Variants in PDE10A observed in about 807,000 individuals in gnomAD.
The protein encoded by PDE10A is phosphodiesterase 10A, also known as cAMP and cAMP-inhibited cGMP 3',5'-cyclic phosphodiesterase 10A.
Under a neutral mutation model 97.7 loss-of-function variants are expected in PDE10A, and 39 were observed. The observed-to-expected ratio is 0.40, with a 90% CI of 0.31 to 0.52. The LOEUF is 0.52. PDE10A is among the 20% of genes least tolerant of loss of function. The pLI is 0.56. For missense variants in PDE10A, 731 were observed against 1,047.8 expected (o/e 0.70, Z 4.17); for synonymous variants, 371 against 376.8 (o/e 0.98, Z 0.18).
Position 165,900,942 on chromosome 6 carries a change from C to T in PDE10A, c.-615+86587G>A, listed in dbSNP as rs1303985269. Among the ~76,000 whole-genome samples, 3 of 152,174 alleles carry T rather than the reference C, an allele frequency of 2.0e-5. No individual in the cohort carries two copies. In the East Asian group the frequency reaches 5.8e-4, roughly 29 times the overall value. ...GAGCAAGTTTGTGTTTAAAACCAGA[C>T]CTGGGCACTCTCTTAATGAGCGAAA... On this transcript the variant is annotated intron_variant, in intron 1 of 19. Coordinates refer to the PDE10A transcript ENST00000366882.
chr6:165,335,221 C>A (rs1183877392), intron 21 of PDE10A, among the ~76,000 whole-genome samples: 2 of 152,058 alleles, frequency 1.3e-5, no homozygotes, highest in African/African-American at 4.8e-5. Flanking sequence ...GAAGAGATAA[C>A]GATGCTTAAA....
At chr6:165,341,527 C>A (rs550400164) in intron 19 of PDE10A, among the ~76,000 whole-genome samples, 1 of 152,270 alleles carries the variant, frequency 6.6e-6, no homozygotes, top group African/African-American at 2.4e-5. Context: ...ACAAACAGTG[C>A]AAGGTTTTTG....
chr6:165,737,996 T>C (rs1219911775), intron 1 of PDE10A, among the ~76,000 whole-genome samples: 2 of 87,786 alleles, frequency 2.3e-5, no homozygotes, highest in South Asian at 8.1e-4. Context: ...GTCCCACTTC[T>C]TTTTTTTATT....
rs1400992216 is a variant in PDE10A, at chr6:165,413,654, C to A, written c.1923G>T (p.Arg641=). The change falls in exon 13 of 22, where the codon CGG becomes CGT. Residue 641 remains arginine (R), a synonymous_variant. Coordinates refer to ENST00000539869, the MANE Select transcript of PDE10A (RefSeq NM_001385079.1). The part of the protein sequence containing the change: ...EVDLYTGYTT[R]NILCMPIVSR... ...TGACGATGGGCATGCACAGGATGTTCCGCGTGGTGTAGCCTGTGTACAAGT... is the reference window on the plus strand; with the variant it reads ...TGACGATGGGCATGCACAGGATGTTACGCGTGGTGTAGCCTGTGTACAAGT... 1.2e-6 allele frequency: 2 copies of A among 1,614,076 alleles called. No homozygotes were observed. Among genetic ancestry groups the A allele is most frequent in the Non-Finnish European group, 1.7e-6 (2 of 1,179,984 alleles).
At chr6:165,669,663 GCTTA>G (rs950151380) in intron 1 of PDE10A, among the ~76,000 whole-genome samples, 32 of 152,254 alleles carry the variant, frequency 2.1e-4, no homozygotes, top group African/African-American at 7.2e-4. Flanking sequence ...TGGCATGAAA[GCTTA>G]CTTTTCTCCT....
chr6:165,857,024 A>G (rs1313731106), intron 1 of PDE10A, among the ~76,000 whole-genome samples: 1 of 152,244 alleles, frequency 6.6e-6, no homozygotes, highest in Non-Finnish European at 1.5e-5. Flanking sequence ...AAATTTATCA[A>G]ATTCATCACC....
chr6:165,492,019 C>A (rs867857904), intron 2 of PDE10A, among the ~76,000 whole-genome samples: 2 of 146,736 alleles, frequency 1.4e-5, no homozygotes, highest in Non-Finnish European at 3.0e-5. Context: ...AAGAAACAAA[C>A]GGGAGCTATT....
At chr6:165,430,477 A>G in intron 8 of PDE10A, 132 bp from the exon 9 acceptor site, 1 of 575,628 alleles carries the variant, frequency 1.7e-6, no homozygotes, top group Non-Finnish European at 3.1e-6. Flanking sequence ...TGTAATAATA[A>G]TATCAATAAC....
chr6:165,647,827 A>G (rs1157285836), intron 1 of PDE10A, among the ~76,000 whole-genome samples: 1 of 152,186 alleles, frequency 6.6e-6, no homozygotes, highest in East Asian at 1.9e-4. Context: ...TACGTGTCTC[A>G]GCACTTGCTC....
At chr6:165,678,776 T>A (rs1245729407) in intron 1 of PDE10A, among the ~76,000 whole-genome samples, 1 of 152,166 alleles carries the variant, frequency 6.6e-6, no homozygotes, top group Non-Finnish European at 1.5e-5. Flanking sequence ...AAGAAAAAAA[T>A]ATCTTTTTGA....
At chr6:165,718,302 G>A (rs900740627) in intron 1 of PDE10A, 3 of 152,178 alleles carry the variant, frequency 2.0e-5, no homozygotes, top group African/African-American at 7.2e-5. Context: ...TCTCTGTGTA[G>A]TTCCAATTTT....
At chr6:165,376,523 A>C (rs1416329836) in intron 18 of PDE10A, among the ~76,000 whole-genome samples, 1 of 152,250 alleles carries the variant, frequency 6.6e-6, no homozygotes, top group African/African-American at 2.4e-5. Context: ...ACTGCAGGTG[A>C]AATGCTATCA....
chr6:165,784,329 C>T (rs1431394941), intron 1 of PDE10A, among the ~76,000 whole-genome samples: 1 of 152,206 alleles, frequency 6.6e-6, no homozygotes, highest in Non-Finnish European at 1.5e-5. Flanking sequence ...ACCATCGCCT[C>T]CCATGAGCAC....
intron 1 of PDE10A, among the ~76,000 whole-genome samples, chr6:165,565,675 A>G (rs1784743345): frequency 6.6e-6 from 1 of 152,222 alleles, no homozygotes; most frequent in African/African-American, 2.4e-5. Flanking sequence ...CCCAACTTCA[A>G]GACATACAAT....
intron 6 of PDE10A, among the ~76,000 whole-genome samples, chr6:165,434,444 C>T (rs113757880): frequency 1.1e-4 from 17 of 152,240 alleles, no homozygotes; most frequent in African/African-American, 4.1e-4. Context: ...GTCTATATTC[C>T]ATGTCATAAA....
chr6:165,438,139 G>T (rs769558099), intron 5 of PDE10A, among the ~76,000 whole-genome samples: 1 of 152,066 alleles, frequency 6.6e-6, no homozygotes, highest in African/African-American at 2.4e-5. Context: ...TCATTGAACT[G>T]CCACCTTCAT....
intron 1 of PDE10A, among the ~76,000 whole-genome samples, chr6:165,967,003 G>A (rs1211694399): frequency 2.0e-5 from 3 of 152,180 alleles, no homozygotes; most frequent in Non-Finnish European, 2.9e-5. Context: ...ATTTTTTAAA[G>A]AAGAGACAGA....
In PDE10A at chr6:165,715,124, G is replaced by A. The variant is rs540346272; in HGVS notation, c.-614-171556C>T. Among the ~76,000 whole-genome samples the A allele has an allele frequency of 2.6e-5, 4 of 152,360 alleles. No individual in the cohort carries two copies. In the East Asian group the frequency reaches 7.7e-4, roughly 29 times the overall value. On this transcript the variant is annotated intron_variant, in intron 1 of 19. Transcript: ENST00000366882. ...AACCCCCGAGGGACGCTGCAGTGCA[G>A]CAGGGCTCAGTGACCAGGTGCGGCC... is the stretch of plus-strand genomic sequence containing the variant.
Position 165,330,541 on chromosome 6 carries a change from G to A in PDE10A, c.*2484C>T, listed in dbSNP as rs988612680. On this transcript the variant is annotated 3_prime_UTR_variant, in exon 22 of 22. Coordinates refer to ENST00000539869, the MANE Select transcript of PDE10A (RefSeq NM_001385079.1). ...TATTGACAGTTTATATCAGAATTCA[G>A]TCTTTTGTTCAAGCTGTGCTTCTAT... The A allele has an allele frequency of 6.6e-6, 1 of 152,104 alleles. No individual in the cohort carries two copies. The highest frequency in any genetic ancestry group is 2.1e-4 in the South Asian group (1 of 4,824). 9.4% of individuals were successfully genotyped at this position (152,104 alleles called of 1,614,324 possible).
Sources: allele counts gnomAD v4.1 joint callset (sites outside exome capture counted in the v4.1 genomes callset), GRCh38; gene constraint gnomAD v4.1.1; transcripts MANE v1.5; gene names NCBI Gene and HGNC (gene_info 2026-07-23, HGNC 2026-07-21).